Variants in AGBL4 observed in about 807,000 individuals in gnomAD.
AGBL4 encodes cytosolic carboxypeptidase 6.
In AGBL4, 58 loss-of-function variants were observed where a neutral mutation model predicts 66.4. The ratio of observed to expected loss-of-function variants is 0.87; its 90% confidence interval spans 0.71 to 1.09. The LOEUF (loss-of-function observed/expected upper bound fraction) is 1.09. Ranked by LOEUF, AGBL4 falls within the 50% of genes least tolerant of loss-of-function variation. The pLI is 0.00. For missense variants in AGBL4, 579 were observed against 631.0 expected (o/e 0.92, Z 0.88); for synonymous variants, 234 against 222.9 (o/e 1.05, Z -0.44).
intron 6 of AGBL4, among the ~76,000 whole-genome samples, chr1:48,704,465 A>G (rs1646850942): frequency 6.6e-6 from 1 of 152,202 alleles, no homozygotes; most frequent in Non-Finnish European, 1.5e-5. Context: ...ACTCTTAATA[A>G]CACTTAGCTT....
chr1:48,574,513 A>G (rs1644617863), intron 11 of AGBL4, among the ~76,000 whole-genome samples: 1 of 151,562 alleles, frequency 6.6e-6, no homozygotes. Context: ...CCATAAAAAT[A>G]TGTATATTTT....
chr1:49,604,280 A>G (rs926216321), intron 3 of AGBL4, among the ~76,000 whole-genome samples: 3 of 152,180 alleles, frequency 2.0e-5, no homozygotes, highest in Non-Finnish European at 4.4e-5. Flanking sequence ...TGGCCAGGGT[A>G]ACGTGGTACC....
chr1:49,207,785 C>T (rs1648356933), intron 4 of AGBL4, among the ~76,000 whole-genome samples: 1 of 151,224 alleles, frequency 6.6e-6, no homozygotes, highest in East Asian at 2.0e-4. Context: ...ATGGTGTCTC[C>T]CTATGTTGCC....
At chr1:49,077,097 T>C (rs187940690) in intron 4 of AGBL4, among the ~76,000 whole-genome samples, 138 of 150,948 alleles carry the variant, frequency 9.1e-4, no homozygotes, top group East Asian at 6.0e-3. Flanking sequence ...TCTGTGTGCG[T>C]GTGTGTGTGT....
chr1:48,640,702 G>C (rs936194329), intron 8 of AGBL4, among the ~76,000 whole-genome samples: 85 of 152,262 alleles, frequency 5.6e-4, no homozygotes, highest in African/African-American at 1.9e-3. Flanking sequence ...CACCTTTGAG[G>C]TTCCCAGCCA....
At chr1:49,248,324 G>A (rs1651800009) in intron 3 of AGBL4, among the ~76,000 whole-genome samples, 1 of 152,130 alleles carries the variant, frequency 6.6e-6, no homozygotes, top group Non-Finnish European at 1.5e-5. Flanking sequence ...AGAATCACTA[G>A]TATAGCTTTT....
chr1:49,129,675 G>A (rs1391933739), intron 4 of AGBL4, among the ~76,000 whole-genome samples: 1 of 152,002 alleles, frequency 6.6e-6, no homozygotes, highest in Non-Finnish European at 1.5e-5. Flanking sequence ...AGTATTCCAT[G>A]GTGTATATGT....
chr1:49,854,747 C>T (rs955497364), intron 1 of AGBL4, among the ~76,000 whole-genome samples: 3 of 152,066 alleles, frequency 2.0e-5, no homozygotes, highest in Admixed American at 1.3e-4. Context: ...ATATAGTGCC[C>T]TAAATCCCCT....
intron 3 of AGBL4, among the ~76,000 whole-genome samples, chr1:49,251,600 G>T (rs1362093159): frequency 6.6e-6 from 1 of 152,176 alleles, no homozygotes; most frequent in African/African-American, 2.4e-5. Flanking sequence ...TCTCCAGCAG[G>T]GGCCCTGCCT....
chr1:49,421,314 A>C (rs1001184184), intron 3 of AGBL4, among the ~76,000 whole-genome samples: 1 of 152,088 alleles, frequency 6.6e-6, no homozygotes, highest in African/African-American at 2.4e-5. Context: ...TACAGGAATG[A>C]AAAATGACTC....
At chr1:49,904,157 C>A (rs546478426) in intron 1 of AGBL4, among the ~76,000 whole-genome samples, 39 of 152,194 alleles carry the variant, frequency 2.6e-4, no homozygotes, top group Admixed American at 1.2e-3. Flanking sequence ...CATATGGATA[C>A]TTTTCTTCAC....
chr1:48,743,522 A>G (rs1650261802), intron 6 of AGBL4, among the ~76,000 whole-genome samples: 1 of 152,232 alleles, frequency 6.6e-6, no homozygotes, highest in Non-Finnish European at 1.5e-5. Context: ...TGGGTAAATA[A>G]GGCCAAATGA....
chr1:48,701,544 C>T (rs547133293), intron 6 of AGBL4, among the ~76,000 whole-genome samples: 8 of 151,996 alleles, frequency 5.3e-5, no homozygotes, highest in African/African-American at 1.7e-4. Flanking sequence ...GCCATCATGG[C>T]GCACTGCAGC....
intron 4 of AGBL4, among the ~76,000 whole-genome samples, chr1:49,226,955 T>C (rs1405570073): frequency 6.6e-6 from 1 of 152,164 alleles, no homozygotes; most frequent in Middle Eastern, 3.2e-3. Context: ...TCCCTGCTTA[T>C]AGCTGTGTCC....
chr1:48,669,300 C>A (rs958209279), intron 6 of AGBL4, among the ~76,000 whole-genome samples: 1 of 152,204 alleles, frequency 6.6e-6, no homozygotes. Flanking sequence ...ATAGCAGGTG[C>A]CATTTACTGA....
chr1:50,013,276 G>T (rs1357502994), intron 1 of AGBL4, among the ~76,000 whole-genome samples: 1 of 152,130 alleles, frequency 6.6e-6, no homozygotes, highest in African/African-American at 2.4e-5. Context: ...GAGTAAATAA[G>T]ATCATGAGTC....
intron 2 of AGBL4, among the ~76,000 whole-genome samples, chr1:49,785,086 T>G (rs2147913860): frequency 6.6e-6 from 1 of 152,154 alleles, no homozygotes; most frequent in East Asian, 1.9e-4. Flanking sequence ...ACCAAAGCAT[T>G]TATATTTTTT....
intron 9 of AGBL4, among the ~76,000 whole-genome samples, chr1:48,597,906 G>A (rs1557817616): frequency 6.7e-6 from 1 of 150,080 alleles, no homozygotes; most frequent in African/African-American, 2.4e-5. Flanking sequence ...GGGAGGGAAG[G>A]AGGAAGGAAG....
intron 6 of AGBL4, among the ~76,000 whole-genome samples, chr1:48,695,319 T>C (rs575913099): frequency 1.3e-5 from 2 of 152,126 alleles, no homozygotes; most frequent in Admixed American, 6.5e-5. Flanking sequence ...ACAAGCAGGG[T>C]TGGGGGAGAG....
Sources: allele counts gnomAD v4.1 joint callset (sites outside exome capture counted in the v4.1 genomes callset), GRCh38; gene constraint gnomAD v4.1.1; transcripts MANE v1.5; gene names NCBI Gene and HGNC (gene_info 2026-07-23, HGNC 2026-07-21).